ZNF518A: variants seen among roughly 807,000 people sequenced by gnomAD.
The protein encoded by ZNF518A is zinc finger protein 518.
In ZNF518A, 47 loss-of-function variants were observed where a neutral mutation model predicts 102.7. The observed-to-expected ratio is 0.46, with a 90% CI of 0.36 to 0.58. The LOEUF is 0.58. Among genes scored for constraint, ZNF518A ranks in the 20% least tolerant of loss-of-function variants. ZNF518A has a pLI of 0.00. For missense variants in ZNF518A, 1,793 were observed against 1,699.8 expected (o/e 1.05, Z -0.96); for synonymous variants, 652 against 594.6 (o/e 1.10, Z -1.40).
intron 1 of ZNF518A, among the ~76,000 whole-genome samples, chr10:96,176,084 C>A (rs2083203117): frequency 6.6e-6 from 1 of 151,998 alleles, no homozygotes; most frequent in Non-Finnish European, 1.5e-5. Context: ...TGCATGGCAC[C>A]CTGCCTGGTT....
chr10:96,189,535 T>A (rs2083296495), intron 1 of ZNF518A: 6 of 653,140 alleles, frequency 9.2e-6, no homozygotes, highest in Non-Finnish European at 1.7e-5. Context: ...CCTTTTGGTG[T>A]TTTACGAGTT....
rs267602648 is a variant in ZNF518A, at chr10:96,159,800, C to A, written c.3478C>A (p.Leu1160Met). 5.9e-5 allele frequency: 96 copies of A among 1,613,528 alleles called. No individual in the cohort carries two copies. Among genetic ancestry groups the A allele is most frequent in the Non-Finnish European group, 7.7e-5 (91 of 1,179,778 alleles). The part of the protein sequence containing the change: ...PVLNVTAANN[L>M]SVSNSASSLQ... ...TTTAAATGTGACTGCTGCTAATAAT[C>A]TGTCAGTAAGCAACTCTGCATCCTC... The change falls in exon 6 of 6, where the codon CTG (leucine) becomes ATG (methionine). Residue 1160 changes from leucine to methionine, a missense_variant. Leu to Met is a conservative substitution (Grantham distance 15). Transcript: ENST00000316045.
Position 96,156,777 on chromosome 10 carries a change from G to A in ZNF518A, c.455G>A (p.Cys152Tyr). The change falls in exon 6 of 6, where the codon TGT becomes TAT. Residue 152 changes from cysteine to tyrosine, a missense_variant. Transcript: ENST00000316045. ...CATGGCGAATTACCTTCATATCCTT[G>A]TGAAATGTGCAACTTTTCAGCAAAT... ...WHHGELPSYPCEMCNFSANDF... is the reference protein window; with the variant it reads ...WHHGELPSYPYEMCNFSANDF... 6.2e-7 allele frequency: 1 copy of A among 1,613,890 alleles called. No homozygotes were observed. Among genetic ancestry groups the A allele is most frequent in the Non-Finnish European group, 8.5e-7 (1 of 1,179,806 alleles).
intron 1 of ZNF518A, among the ~76,000 whole-genome samples, chr10:96,181,164 T>G (rs1375841468): frequency 6.6e-6 from 1 of 152,254 alleles, no homozygotes; most frequent in Non-Finnish European, 1.5e-5. Context: ...TGTCTATTCA[T>G]GTCCTTCACC....
downstream of ZNF518A, among the ~76,000 whole-genome samples, chr10:96,164,319 G>A (rs587739225): frequency 2.0e-5 from 3 of 152,284 alleles, no homozygotes; most frequent in Middle Eastern, 3.4e-3. Flanking sequence ...TGGGGCGTTG[G>A]CTCTGTTCTT....
downstream of ZNF518A, among the ~76,000 whole-genome samples, chr10:96,166,710 T>G (rs1472456602): frequency 6.6e-6 from 1 of 152,024 alleles, no homozygotes; most frequent in East Asian, 1.9e-4. Context: ...GAACTTGCAG[T>G]GAGCCGAGAT....
At chr10:96,183,327 G>GATCTTAGTT (rs1313322335) in intron 1 of ZNF518A, among the ~76,000 whole-genome samples, 1 of 152,056 alleles carries the variant, frequency 6.6e-6, no homozygotes, top group Non-Finnish European at 1.5e-5. Context: ...GTTCTGCTCT[G>GATCTTAGTT]ATCTTAGTTA....
Position 96,162,828 on chromosome 10 carries a change from TAACTC to T in ZNF518A, c.*2055_*2059del, listed in dbSNP as rs1459507055. On this transcript the variant is annotated 3_prime_UTR_variant, in exon 6 of 6. Coordinates refer to ENST00000316045, the MANE Select transcript of ZNF518A (RefSeq NM_001330736.2). ...GTGTATGTGTTTTTTCAATGCTAGT[TAACTC>T]TACAAGATAGATAAAAGTGTGGGAT... 1 of 167,058 alleles carries T rather than the reference TAACTC, an allele frequency of 6.0e-6. No individual in the cohort carries two copies. Among genetic ancestry groups the T allele is most frequent in the Non-Finnish European group, 1.5e-5 (1 of 68,042 alleles). The allele number at this position is 167,058 out of a possible 1,614,324, so 10.3% of individuals were successfully genotyped here.
rs2081308394 is a variant in ZNF518A, at chr10:96,131,006, G to A, written c.-453+254G>A. 2.6e-5 allele frequency among the ~76,000 whole-genome samples: 4 copies of A among 152,330 alleles called. No homozygotes were observed. The South Asian group carries it at 8.3e-4, about 32-fold the overall frequency. On this transcript the variant is annotated intron_variant, in intron 1 of 5. Transcript: ENST00000316045. ...TTAAAGTTCAGAATACAACAGTTAA[G>A]ACTCAGTTTTCTTTTTAGGTTTAAA...
rs782749379 is a variant in ZNF518A, at chr10:96,156,641, G to C, written c.319G>C (p.Glu107Gln). ...TLLHKSERAE[E>Q]EGVKMSAKIL... The stretch of plus-strand genomic sequence containing the variant: ...GCTTCATAAGTCTGAGAGAGCTGAA[G>C]AAGAGGGTGTAAAAATGTCTGCAAA... The change falls in exon 6 of 6, where the codon GAA (glutamate) becomes CAA (glutamine). Residue 107 changes from glutamate (E) to glutamine (Q), a missense_variant. Physicochemically the swap from Glu to Gln is conservative, Grantham distance 29. This residue lies in a region of ZNF518A where 1,741 missense variants were observed against 1,622.6 expected (regional missense o/e 1.07). Transcript: ENST00000316045. The C allele has an allele frequency of 3.1e-6, 5 of 1,613,870 alleles. No homozygotes were observed. The highest frequency in any genetic ancestry group is 4.2e-6 in the Non-Finnish European group (5 of 1,179,784).
chr10:96,133,616 A>G lies in ZNF518A; in HGVS notation c.-334A>G, dbSNP rs2081447834. ...ATCTTTGAAATGCTAAGATTCTTGG[A>G]TACCACAGTATCATAAAATTCCTCT... On this transcript the variant is annotated 5_prime_UTR_variant, in exon 3 of 6. Coordinates refer to ENST00000316045, the MANE Select transcript of ZNF518A (RefSeq NM_001330736.2). 6.6e-6 allele frequency: 1 copy of G among 152,208 alleles called. No individual in the cohort carries two copies. 9.4% of individuals were successfully genotyped at this position (152,208 alleles called of 1,614,324 possible).
At chr10:96,167,591 A>C (rs1554890507), downstream of ZNF518A, among the ~76,000 whole-genome samples, 1 of 152,216 alleles carries the variant, frequency 6.6e-6, no homozygotes, top group African/African-American at 2.4e-5. Flanking sequence ...GGAGTTGAAA[A>C]GTACAATAAC....
chr10:96,174,084 A>G lies in ZNF518A; in HGVS notation n.35+18037A>G, dbSNP rs181054261. Among the ~76,000 whole-genome samples the G allele has an allele frequency of 7.2e-5, 11 of 152,260 alleles. No homozygotes were observed. The East Asian group carries it at 1.5e-3, about 21-fold the overall frequency. ...CCACCAAATCTTGTGAGATGTGACT[A>G]AAGCAGTGCTTAGAGGGAAATTTAT... On this transcript the variant is annotated intron_variant and non_coding_transcript_variant, in intron 1 of 2. Coordinates refer to the ZNF518A transcript ENST00000442635.
downstream of ZNF518A, among the ~76,000 whole-genome samples, chr10:96,168,464 C>T (rs1272915361): frequency 2.8e-5 from 4 of 145,094 alleles, no homozygotes; most frequent in African/African-American, 5.1e-5. Context: ...CATGTGAGTT[C>T]GAGTTACTGT....
intron 3 of ZNF518A, among the ~76,000 whole-genome samples, chr10:96,150,817 G>T (rs587697480): frequency 3.0e-5 from 4 of 132,238 alleles, no homozygotes; most frequent in African/African-American, 8.5e-5. Flanking sequence ...CGTGATCTCG[G>T]CTCACTGCAG....
rs2133868530 is a variant in ZNF518A, at chr10:96,163,185, T to C, written c.*2411T>C. 6.0e-6 allele frequency: 1 copy of C among 167,174 alleles called. No homozygotes were observed. The highest frequency in any genetic ancestry group is 1.9e-4 in the East Asian group (1 of 5,194). The allele number at this position is 167,174 out of a possible 1,614,324, so 10.4% of individuals were successfully genotyped here. A position where few individuals can be genotyped will look rare whatever the true frequency, so the allele number is the denominator to read the frequency against. On this transcript the variant is annotated 3_prime_UTR_variant, in exon 6 of 6. Coordinates refer to ENST00000316045, the MANE Select transcript of ZNF518A (RefSeq NM_001330736.2). ...GTTTTAACAGCCATTTAAAGTAAGCTTTGTGCTCCAGATATTCTAGTTGGA... is the reference window on the plus strand; with the variant it reads ...GTTTTAACAGCCATTTAAAGTAAGCCTTGTGCTCCAGATATTCTAGTTGGA...
At chr10:96,183,276 A>G (rs2083250925) in intron 1 of ZNF518A, among the ~76,000 whole-genome samples, 2 of 152,140 alleles carry the variant, frequency 1.3e-5, no homozygotes, top group Non-Finnish European at 2.9e-5. Context: ...AGCTGGATTC[A>G]TTGATTCTTT....
intron 3 of ZNF518A, among the ~76,000 whole-genome samples, chr10:96,138,867 C>A (rs1591121475): frequency 6.9e-6 from 1 of 145,124 alleles, no homozygotes. Context: ...AATAAATGGG[C>A]AAATAAATAA....
intron 1 of ZNF518A, among the ~76,000 whole-genome samples, chr10:96,173,398 A>G (rs2083184461): frequency 6.6e-6 from 1 of 152,170 alleles, no homozygotes; most frequent in Non-Finnish European, 1.5e-5. Flanking sequence ...AGACTCAAAG[A>G]TATTAGTAGG....
Sources: allele counts gnomAD v4.1 joint callset (sites outside exome capture counted in the v4.1 genomes callset), GRCh38; gene constraint gnomAD v4.1.1; regional missense constraint gnomAD v4.1.1; transcripts MANE v1.5; gene names NCBI Gene and HGNC (gene_info 2026-07-23, HGNC 2026-07-21).